MRPL13: variants seen among roughly 807,000 people sequenced by gnomAD.
MRPL13 encodes mitochondrial ribosomal protein L13.
In MRPL13, 33 loss-of-function variants were observed where a neutral mutation model predicts 29.0. The observed-to-expected ratio is 1.14, with a 90% CI of 0.86 to 1.52. MRPL13 has a LOEUF of 1.52. Among genes scored for constraint, MRPL13 ranks in the 40% most tolerant of loss-of-function variants. The probability of loss-of-function intolerance (pLI) is 0.00; values close to 1 mark genes in which losing one functional copy is unlikely to be tolerated. For missense variants in MRPL13, 227 were observed against 216.7 expected, an observed-to-expected ratio of 1.05 and a Z score of -0.30; for synonymous variants, 77 against 68.4, an observed-to-expected ratio of 1.13 and a Z score of -0.62.
chr8:120,425,255 A>T (rs759903956), intron 4 of MRPL13, 51 bp downstream of exon 4: 1 of 1,373,440 alleles, frequency 7.3e-7, no homozygotes, highest in Non-Finnish European at 1.0e-6. Flanking sequence ...ACAAAACAGT[A>T]TCTGAATTGG....
intron 3 of MRPL13, 35 bp from the exon 4 acceptor site, chr8:120,425,401 T>C (rs1812921560): frequency 3.5e-6 from 5 of 1,445,276 alleles, no homozygotes; most frequent in Non-Finnish European, 3.9e-6. Flanking sequence ...AAACTGGGCA[T>C]AGGCTGATAC....
chr8:120,423,027 T>C (rs1812891451), intron 4 of MRPL13, among the ~76,000 whole-genome samples: 2 of 151,814 alleles, frequency 1.3e-5, no homozygotes, highest in Non-Finnish European at 2.9e-5. Flanking sequence ...TTAGTATGCA[T>C]AAAGAAATAT....
intron 3 of MRPL13, 147 bp from the exon 4 acceptor site, chr8:120,425,513 C>T (rs968133702): frequency 7.7e-5 from 42 of 547,574 alleles, no homozygotes; most frequent in Admixed American, 2.5e-4. Context: ...TAGTAATCTA[C>T]GCTTTTTGAA....
At chr8:120,423,800 T>C (rs148937659) in intron 4 of MRPL13, among the ~76,000 whole-genome samples, 6 of 151,952 alleles carry the variant, frequency 3.9e-5, no homozygotes, top group Non-Finnish European at 7.4e-5. Context: ...CAAGAAGGGA[T>C]TGTAAGAAAA....
At chr8:120,412,053 T>A (rs1191790774) in intron 6 of MRPL13, among the ~76,000 whole-genome samples, 2 of 152,162 alleles carry the variant, frequency 1.3e-5, no homozygotes, top group East Asian at 3.9e-4. Context: ...TCATGAAATA[T>A]GACTTCAAGT....
chr8:120,432,142 C>A lies in MRPL13; in HGVS notation c.152-19G>T, dbSNP rs1002281075. 1 of 1,530,980 alleles carries A rather than the reference C, an allele frequency of 6.5e-7. No homozygotes were observed. Among genetic ancestry groups the A allele is most frequent in the Non-Finnish European group, 8.8e-7 (1 of 1,140,080 alleles). The allele number at this position is 1,530,980 out of a possible 1,614,324, so 94.8% of individuals were successfully genotyped here. ...CAGTCACCTACATTTTAAAAAGAAA[C>A]AAGATTTTGTAAGAAAAATAAAAAC... On this transcript the variant is annotated intron_variant, in intron 2 of 6. Coordinates refer to ENST00000306185, the MANE Select transcript of MRPL13 (RefSeq NM_014078.6).
intron 2 of MRPL13, among the ~76,000 whole-genome samples, chr8:120,436,464 T>C (rs1410324075): frequency 2.0e-5 from 3 of 152,320 alleles, no homozygotes; most frequent in Non-Finnish European, 4.4e-5. Flanking sequence ...TTATCTGCCA[T>C]CTGTTCATGT....
chr8:120,413,944 C>T (rs192609574), intron 6 of MRPL13, 47 bp downstream of exon 6: 30 of 1,455,144 alleles, frequency 2.1e-5, no homozygotes, highest in East Asian at 2.0e-4. Flanking sequence ...GTTGAGGAAA[C>T]AGAGGATATC....
At chr8:120,410,250 A>G (rs1812725545) in intron 6 of MRPL13, among the ~76,000 whole-genome samples, 1 of 152,216 alleles carries the variant, frequency 6.6e-6, no homozygotes, top group South Asian at 2.1e-4. Flanking sequence ...ATGCAGGTAC[A>G]TTTGTTTCAG....
At chr8:120,398,839 T>C (rs1812552013) in intron 6 of MRPL13, among the ~76,000 whole-genome samples, 1 of 151,960 alleles carries the variant, frequency 6.6e-6, no homozygotes, top group Non-Finnish European at 1.5e-5. Flanking sequence ...AAATACAACA[T>C]GAGAAATACA....
intron 6 of MRPL13, among the ~76,000 whole-genome samples, chr8:120,400,659 CA>C (rs200298026): frequency 1.4e-5 from 2 of 145,646 alleles, no homozygotes; most frequent in African/African-American, 2.5e-5. Context: ...AAAAATCCTT[CA>C]AAAAAAAATC....
At chr8:120,444,494 G>C (rs73315158) in intron 1 of MRPL13, among the ~76,000 whole-genome samples, 2,162 of 152,142 alleles carry the variant, frequency 0.014, 59 homozygotes, top group African/African-American at 0.049. Flanking sequence ...AGTCCTACTG[G>C]CTCCACCTTC....
intron 5 of MRPL13, among the ~76,000 whole-genome samples, chr8:120,417,145 T>C (rs1398422522): frequency 6.6e-6 from 1 of 152,232 alleles, no homozygotes; most frequent in Non-Finnish European, 1.5e-5. Context: ...TACATTCAGG[T>C]TAAGCATTAC....
At chr8:120,429,160 T>C (rs1370834727) in intron 3 of MRPL13, among the ~76,000 whole-genome samples, 6 of 152,062 alleles carry the variant, frequency 3.9e-5, no homozygotes, top group Non-Finnish European at 8.8e-5. Context: ...AAATACTACA[T>C]AGCCATAAAA....
rs1429285242 is a variant in MRPL13, at chr8:120,398,956, G to C, written c.516-2831C>G. Among the ~76,000 whole-genome samples the C allele has an allele frequency of 3.3e-5, 5 of 151,018 alleles. No individual in the cohort carries two copies. In the South Asian group the frequency reaches 6.3e-4, roughly 19 times the overall value. Reference sequence around the variant, plus strand: ...ACACAAACACACACACACACACACAGAATGAAAAGGAATGAACAAAACCTC... The same window carrying C: ...ACACAAACACACACACACACACACACAATGAAAAGGAATGAACAAAACCTC... On this transcript the variant is annotated intron_variant, in intron 6 of 6. Coordinates refer to ENST00000306185, the MANE Select transcript of MRPL13 (RefSeq NM_014078.6).
chr8:120,429,922 A>T (rs1169014061), intron 3 of MRPL13, among the ~76,000 whole-genome samples: 1 of 152,206 alleles, frequency 6.6e-6, no homozygotes, highest in African/African-American at 2.4e-5. Context: ...GGGAATAATG[A>T]CAAGAAAAAC....
At chr8:120,424,060 T>C (rs1298401856) in intron 4 of MRPL13, among the ~76,000 whole-genome samples, 1 of 152,160 alleles carries the variant, frequency 6.6e-6, no homozygotes, top group East Asian at 1.9e-4. Context: ...AGTTACATGA[T>C]GTTTACAATA....
intron 6 of MRPL13, among the ~76,000 whole-genome samples, chr8:120,413,097 T>C (rs549873552): frequency 6.6e-6 from 1 of 152,130 alleles, no homozygotes; most frequent in South Asian, 2.1e-4. Flanking sequence ...GAGAGTACAG[T>C]AGATAGTGAT....
chr8:120,440,887 G>C (rs905806968), intron 2 of MRPL13, among the ~76,000 whole-genome samples: 33 of 151,998 alleles, frequency 2.2e-4, no homozygotes, highest in Admixed American at 1.3e-4. Flanking sequence ...AGATCACAGT[G>C]AGGCAGTTTT....
Sources: gnomAD v4.1 joint callset for allele counts (sites outside exome capture counted in the v4.1 genomes callset) on GRCh38, gnomAD v4.1.1 for gene constraint, MANE v1.5 for transcripts, NCBI Gene and HGNC (gene_info 2026-07-23, HGNC 2026-07-21) for gene names.